TDRD12: variants seen among roughly 807,000 people sequenced by gnomAD.
TDRD12 encodes tudor domain containing 12.
A neutral mutation model predicts 133.5 loss-of-function variants in TDRD12; 158 were observed. The ratio of observed to expected loss-of-function variants is 1.18; its 90% confidence interval spans 1.04 to 1.35. The LOEUF (loss-of-function observed/expected upper bound fraction) is 1.35, where lower values mean the gene tolerates loss of function less well. TDRD12 is among the 40% of genes most tolerant of loss of function. The pLI is 0.00. For missense variants in TDRD12, 1,443 were observed against 1,321.3 expected (o/e 1.09, Z -1.43); for synonymous variants, 460 against 477.9 (o/e 0.96, Z 0.49).
At chr19:32,814,148 T>C (rs1967097555) in intron 25 of TDRD12, among the ~76,000 whole-genome samples, 2 of 152,192 alleles carry the variant, frequency 1.3e-5, no homozygotes, top group Admixed American at 1.3e-4. Flanking sequence ...CCAGGAGCAG[T>C]GCTGGGCACT....
intron 3 of TDRD12, among the ~76,000 whole-genome samples, chr19:32,739,910 T>G (rs1276756487): frequency 7.3e-6 from 1 of 136,316 alleles, no homozygotes; most frequent in Non-Finnish European, 1.5e-5. Flanking sequence ...TGTCTGCATC[T>G]CCTGGGTACT....
chr19:32,780,143 G>A (rs1970720296), intron 11 of TDRD12, among the ~76,000 whole-genome samples: 1 of 150,002 alleles, frequency 6.7e-6, no homozygotes, highest in South Asian at 2.1e-4. Flanking sequence ...GAGTGCAGCG[G>A]TACAATCTCG....
At chr19:32,821,106 G>A (rs1477135279) in exon 28 of TDRD12, 6 of 1,536,016 alleles carry the variant, frequency 3.9e-6, no homozygotes, top group Middle Eastern at 1.7e-4. Context: ...AGGAGGGGCT[G>A]AGTCCAAGAC....
At chr19:32,822,704 G>A (rs1413107494), downstream of TDRD12, among the ~76,000 whole-genome samples, 2 of 148,234 alleles carry the variant, frequency 1.3e-5, no homozygotes, top group African/African-American at 2.5e-5. Context: ...CCAAGATCGC[G>A]CCACTGCACT....
chr19:32,768,617 C>A (rs8104164), intron 8 of TDRD12, among the ~76,000 whole-genome samples: 1 of 151,856 alleles, frequency 6.6e-6, no homozygotes, highest in Non-Finnish European at 1.5e-5. Context: ...TTGCCCGCCT[C>A]GGCCTTCCAA....
chr19:32,769,238 T>C (rs991500363), intron 8 of TDRD12, among the ~76,000 whole-genome samples: 5 of 152,218 alleles, frequency 3.3e-5, no homozygotes, highest in Admixed American at 6.5e-5. Flanking sequence ...TTTTCTACTT[T>C]TGGCTTTTAC....
intron 8 of TDRD12, among the ~76,000 whole-genome samples, chr19:32,767,755 T>C (rs546537213): frequency 8.7e-4 from 133 of 152,298 alleles, no homozygotes; most frequent in Middle Eastern, 3.4e-3. Context: ...TTGGCCAGAA[T>C]GTTCTTGTGC....
chr19:32,727,219 T>A (rs181406463), intron 1 of TDRD12, among the ~76,000 whole-genome samples: 198 of 152,326 alleles, frequency 1.3e-3, no homozygotes, highest in African/African-American at 4.4e-3. Flanking sequence ...CTCTAATGAT[T>A]AGTATGTTGA....
At chr19:32,768,906 T>C (rs1041562027) in intron 8 of TDRD12, among the ~76,000 whole-genome samples, 5 of 152,254 alleles carry the variant, frequency 3.3e-5, no homozygotes, top group African/African-American at 1.2e-4. Context: ...TAATAAGCTT[T>C]GAGAGTTTTT....
At chr19:32,777,557 CT>C (rs1274550528) in intron 11 of TDRD12, among the ~76,000 whole-genome samples, 1 of 151,898 alleles carries the variant, frequency 6.6e-6, no homozygotes, top group African/African-American at 2.4e-5. Context: ...TTGGTCTTTG[CT>C]TTCTTTCCAG....
intron 15 of TDRD12, 104 bp from the exon 16 acceptor site, chr19:32,798,204 C>A: frequency 1.7e-6 from 2 of 1,164,862 alleles, no homozygotes; most frequent in Non-Finnish European, 2.4e-6. Flanking sequence ...CAGTGTTTTA[C>A]TTCATTAGAA....
intron 1 of TDRD12, among the ~76,000 whole-genome samples, chr19:32,730,586 T>C (rs1488857351): frequency 6.6e-6 from 1 of 152,204 alleles, no homozygotes; most frequent in African/African-American, 2.4e-5. Flanking sequence ...TATAAAAATG[T>C]TCAAACCTTC....
chr19:32,826,223 C>T (rs73926141), downstream of TDRD12: 2,512 of 1,486,308 alleles, frequency 1.7e-3, 44 homozygotes, highest in African/African-American at 0.031. Context: ...TCAATGAATG[C>T]GCAGGTCTTT....
chr19:32,721,183 CTTGCT>C (rs1216479533), intron 1 of TDRD12, among the ~76,000 whole-genome samples: 2 of 152,100 alleles, frequency 1.3e-5, no homozygotes, highest in Non-Finnish European at 2.9e-5. Flanking sequence ...CGCCTGGACC[CTTGCT>C]TTTCCCCCTT....
At chr19:32,728,580 A>ACTTAAAGGTCC (rs1427041978) in intron 1 of TDRD12, among the ~76,000 whole-genome samples, 1 of 151,358 alleles carries the variant, frequency 6.6e-6, no homozygotes, top group African/African-American at 2.4e-5. Flanking sequence ...TTCCTGTCTT[A>ACTTAAAGGTCC]CTGTACTAAC....
chr19:32,780,429 C>T (rs1387692678), intron 11 of TDRD12, among the ~76,000 whole-genome samples: 1 of 152,176 alleles, frequency 6.6e-6, no homozygotes. Flanking sequence ...ATGTCAGAGT[C>T]TGAACAGCAA....
intron 25 of TDRD12, among the ~76,000 whole-genome samples, chr19:32,814,598 C>T (rs12463019): frequency 0.6 from 91,476 of 151,962 alleles, 28,669 homozygotes; most frequent in East Asian, 0.83. Context: ...GTGTTTGTTT[C>T]TTGTTGGGGG....
chr19:32,810,821 G>A (rs543645125), intron 23 of TDRD12, among the ~76,000 whole-genome samples: 2 of 152,218 alleles, frequency 1.3e-5, no homozygotes, highest in South Asian at 2.1e-4. Flanking sequence ...GAGCCCAGGA[G>A]GTCGAGGCTG....
At chr19:32,721,458 T>G (rs1167551888) in intron 1 of TDRD12, among the ~76,000 whole-genome samples, 1 of 152,106 alleles carries the variant, frequency 6.6e-6, no homozygotes, top group Non-Finnish European at 1.5e-5. Context: ...TGACCTCAGC[T>G]CACTGCAACC....
Sources: gnomAD v4.1 joint callset for allele counts (sites outside exome capture counted in the v4.1 genomes callset) on GRCh38, gnomAD v4.1.1 for gene constraint, MANE v1.5 for transcripts, NCBI Gene and HGNC (gene_info 2026-07-23, HGNC 2026-07-21) for gene names.